The following GPM6A variants were observed in gnomAD, a reference collection of about 807,000 sequenced individuals.
GPM6A encodes the protein glycoprotein M6A.
A neutral mutation model predicts 32.1 loss-of-function variants in GPM6A; 7 were observed. That is an observed-to-expected ratio of 0.22 (90% CI 0.12 to 0.41). The LOEUF (loss-of-function observed/expected upper bound fraction) is 0.41, where lower values mean the gene tolerates loss of function less well. GPM6A is among the 10% of genes least tolerant of loss of function. The pLI is 1.00. For missense variants in GPM6A, 235 were observed against 347.2 expected (o/e 0.68, Z 2.57); for synonymous variants, 130 against 123.4 (o/e 1.05, Z -0.35).
chr4:175,814,365 A>T (rs1735035712), upstream of GPM6A, among the ~76,000 whole-genome samples: 1 of 152,146 alleles, frequency 6.6e-6, no homozygotes, highest in Admixed American at 6.5e-5. Flanking sequence ...AAGTCTTAGA[A>T]CCCATGTCTG....
At chr4:175,991,887 C>T (rs576559840) in intron 1 of GPM6A, among the ~76,000 whole-genome samples, 1 of 152,120 alleles carries the variant, frequency 6.6e-6, no homozygotes, top group East Asian at 1.9e-4. Flanking sequence ...ATGGAGCAAA[C>T]ATCATTTCTA....
chr4:175,701,070 C>T (rs898453693), intron 2 of GPM6A, among the ~76,000 whole-genome samples: 1 of 152,114 alleles, frequency 6.6e-6, no homozygotes, highest in African/African-American at 2.4e-5. Context: ...TTATGATTTA[C>T]TCTTTTACAG....
intron 1 of GPM6A, among the ~76,000 whole-genome samples, chr4:175,952,107 T>C (rs1474732614): frequency 1.3e-5 from 2 of 152,228 alleles, no homozygotes; most frequent in Non-Finnish European, 2.9e-5. Context: ...ACTAATACAG[T>C]GATATTACAA....
intron 1 of GPM6A, among the ~76,000 whole-genome samples, chr4:175,861,234 T>C (rs948483094): frequency 6.6e-5 from 10 of 151,102 alleles, no homozygotes; most frequent in Non-Finnish European, 1.3e-4. Flanking sequence ...AAAAGACAAA[T>C]ACATATGAAT....
intron 1 of GPM6A, among the ~76,000 whole-genome samples, chr4:175,980,256 C>T (rs1740781396): frequency 6.6e-6 from 1 of 152,112 alleles, no homozygotes; most frequent in South Asian, 2.1e-4. Context: ...TCTCCAGAGG[C>T]TGAAGTGGGA....
intron 1 of GPM6A, among the ~76,000 whole-genome samples, chr4:175,970,336 GC>G (rs1181739263): frequency 1.3e-5 from 2 of 152,122 alleles, no homozygotes; most frequent in Non-Finnish European, 2.9e-5. Context: ...GCAGCCAAAT[GC>G]CCTACAGTTT....
chr4:175,986,096 C>A (rs1458760426), intron 1 of GPM6A, among the ~76,000 whole-genome samples: 3 of 152,302 alleles, frequency 2.0e-5, no homozygotes, highest in African/African-American at 4.8e-5. Flanking sequence ...TGAGCCACTG[C>A]ACCTGGCCTA....
At chr4:175,827,682 T>G (rs1261686033) in intron 1 of GPM6A, among the ~76,000 whole-genome samples, 3 of 152,220 alleles carry the variant, frequency 2.0e-5, no homozygotes, top group Admixed American at 6.5e-5. Context: ...TTGGTCCGCA[T>G]GATGTTCTGT....
At position 175,963,230 on chromosome 4, in the gene GPM6A, G is replaced by GA. The variant is rs113176667; in HGVS notation, c.-23+39078dup. 3.2e-3 allele frequency among the ~76,000 whole-genome samples: 488 copies of GA among 151,864 alleles called. 1 individual carries two copies. The highest frequency in any genetic ancestry group is 7.1e-3 in the African/African-American group (293 of 41,466). Reference sequence around the variant, plus strand: ...CAAGAAGGAGGGAGAGAAAAGAACAGAAAAAAATACTTGAAGCAATAATGA... The same window carrying GA: ...CAAGAAGGAGGGAGAGAAAAGAACAGAAAAAAAATACTTGAAGCAATAATGA... On this transcript the variant is annotated intron_variant, in intron 1 of 7. Transcript: ENST00000280187.
chr4:175,812,336 T>G, upstream of GPM6A: 1 of 1,360,030 alleles, frequency 7.4e-7, no homozygotes, highest in Non-Finnish European at 9.5e-7. Context: ...TTTTTTTTTT[T>G]TTTTCCTGGG....
chr4:175,728,536 T>C (rs1432522481), intron 1 of GPM6A, among the ~76,000 whole-genome samples: 1 of 152,228 alleles, frequency 6.6e-6, no homozygotes, highest in Non-Finnish European at 1.5e-5. Context: ...TTTCAAGGAC[T>C]ATTAGAATAT....
intron 1 of GPM6A, among the ~76,000 whole-genome samples, chr4:175,931,696 AC>A (rs1739047293): frequency 6.7e-6 from 1 of 148,796 alleles, no homozygotes; most frequent in Admixed American, 6.7e-5. Flanking sequence ...ACACACACAC[AC>A]ACACACACAC....
intron 1 of GPM6A, among the ~76,000 whole-genome samples, chr4:175,926,818 T>A (rs184813428): frequency 1.3e-5 from 2 of 152,296 alleles, no homozygotes; most frequent in East Asian, 3.9e-4. Context: ...GAGTACTAAT[T>A]TTGATTTTAA....
At chr4:175,968,517 C>T (rs908430318) in intron 1 of GPM6A, among the ~76,000 whole-genome samples, 3 of 152,036 alleles carry the variant, frequency 2.0e-5, no homozygotes, top group African/African-American at 7.2e-5. Context: ...AAAATCTTTG[C>T]AAAACACATA....
intron 1 of GPM6A, among the ~76,000 whole-genome samples, chr4:175,916,261 A>G (rs559735082): frequency 1.3e-5 from 2 of 152,266 alleles, no homozygotes; most frequent in South Asian, 4.1e-4. Context: ...GGGTTTAAGA[A>G]TACCATCCAT....
At chr4:175,833,964 G>T (rs1175446823) in intron 1 of GPM6A, among the ~76,000 whole-genome samples, 2 of 152,138 alleles carry the variant, frequency 1.3e-5, no homozygotes, top group Admixed American at 1.3e-4. Flanking sequence ...TTCCAGAGAA[G>T]TGCTGTAACG....
intron 3 of GPM6A, among the ~76,000 whole-genome samples, chr4:175,670,634 C>T (rs1050197926): frequency 6.6e-5 from 10 of 151,936 alleles, no homozygotes; most frequent in Admixed American, 6.6e-4. Flanking sequence ...TTAATAAAGT[C>T]GTTAATAATG....
At chr4:175,889,249 TACAA>T (rs1373138108) in intron 1 of GPM6A, among the ~76,000 whole-genome samples, 4 of 152,094 alleles carry the variant, frequency 2.6e-5, no homozygotes, top group Non-Finnish European at 1.5e-5. Context: ...CGACAAATAA[TACAA>T]ACAATTTTTT....
intron 3 of GPM6A, among the ~76,000 whole-genome samples, chr4:175,666,254 A>C (rs1026907226): frequency 3.3e-5 from 5 of 152,130 alleles, no homozygotes; most frequent in African/African-American, 1.2e-4. Context: ...TTCCCAATAC[A>C]ATAATGCTAG....
Sources: allele counts gnomAD v4.1 joint callset (sites outside exome capture counted in the v4.1 genomes callset), GRCh38; gene constraint gnomAD v4.1.1; transcripts MANE v1.5; gene names NCBI Gene and HGNC (gene_info 2026-07-23, HGNC 2026-07-21).